The following CNTNAP2 variants were observed in gnomAD, a reference collection of about 807,000 sequenced individuals.
CNTNAP2 encodes the protein contactin-associated protein-like 2.
CNTNAP2 carries 98 observed loss-of-function variants against 155.2 expected under a neutral mutation model. That is an observed-to-expected ratio of 0.63 (90% CI 0.54 to 0.75). CNTNAP2 has a LOEUF of 0.75. Ranked by LOEUF, CNTNAP2 falls within the 30% of genes least tolerant of loss-of-function variation. The pLI is 0.00. For synonymous variants in CNTNAP2, 651 were observed against 631.2 expected (o/e 1.03, Z -0.47); for missense variants, 1,727 against 1,688.1 (o/e 1.02, Z -0.40).
At chr7:146,700,442 A>G (rs552148531) in intron 1 of CNTNAP2, among the ~76,000 whole-genome samples, 3 of 152,264 alleles carry the variant, frequency 2.0e-5, no homozygotes, top group East Asian at 1.9e-4. Context: ...TGTTTTTTAA[A>G]TTAAAAAAAT....
intron 11 of CNTNAP2, among the ~76,000 whole-genome samples, chr7:147,555,255 C>G (rs980413074): frequency 2.6e-5 from 4 of 152,182 alleles, no homozygotes; most frequent in South Asian, 2.1e-4. Flanking sequence ...GCCCCAGAGA[C>G]CATCCTACAC....
At chr7:146,512,918 T>G (rs1797489004) in intron 1 of CNTNAP2, among the ~76,000 whole-genome samples, 1 of 152,000 alleles carries the variant, frequency 6.6e-6, no homozygotes, top group Non-Finnish European at 1.5e-5. Context: ...TTTATTGTGG[T>G]GTATATGTCC....
intron 15 of CNTNAP2, among the ~76,000 whole-genome samples, chr7:148,109,388 G>GTTTTGTTTTA (rs1432300494): frequency 6.6e-6 from 1 of 151,060 alleles, no homozygotes; most frequent in African/African-American, 2.4e-5. Context: ...GTTTTGTTTT[G>GTTTTGTTTTA]TTTTGTTTTG....
At chr7:148,076,208 G>A (rs182457521) in intron 15 of CNTNAP2, among the ~76,000 whole-genome samples, 1 of 152,096 alleles carries the variant, frequency 6.6e-6, no homozygotes, top group African/African-American at 2.4e-5. Flanking sequence ...TAGTTCTCAG[G>A]AGGGTGACTT....
chr7:147,964,607 T>A (rs1015129560), intron 14 of CNTNAP2, among the ~76,000 whole-genome samples: 3 of 152,230 alleles, frequency 2.0e-5, no homozygotes, highest in African/African-American at 7.2e-5. Context: ...GCTAAATTGC[T>A]AAATTGAGTT....
At chr7:147,761,433 T>C (rs1797296722) in intron 13 of CNTNAP2, among the ~76,000 whole-genome samples, 1 of 152,190 alleles carries the variant, frequency 6.6e-6, no homozygotes, top group Admixed American at 6.6e-5. Context: ...AGTAAGGCTT[T>C]AGAGGTTTCC....
chr7:146,401,419 G>A (rs1795712104), intron 1 of CNTNAP2, among the ~76,000 whole-genome samples: 1 of 152,084 alleles, frequency 6.6e-6, no homozygotes, highest in Non-Finnish European at 1.5e-5. Flanking sequence ...AGCTAGGGCA[G>A]GTCAATGAAC....
At chr7:146,585,580 A>T (rs369542147) in intron 1 of CNTNAP2, among the ~76,000 whole-genome samples, 11 of 152,146 alleles carry the variant, frequency 7.2e-5, no homozygotes, top group African/African-American at 2.7e-4. Flanking sequence ...ACTTTGTTAC[A>T]TTATTCTCCT....
intron 1 of CNTNAP2, among the ~76,000 whole-genome samples, chr7:146,234,082 A>G (rs1332226830): frequency 3.4e-5 from 5 of 145,986 alleles, no homozygotes; most frequent in Non-Finnish European, 6.0e-5. Context: ...AGTCCCACCA[A>G]CAGTGTAAAA....
At chr7:147,877,830 T>C (rs1799448186) in intron 13 of CNTNAP2, among the ~76,000 whole-genome samples, 1 of 152,198 alleles carries the variant, frequency 6.6e-6, no homozygotes, top group Admixed American at 6.5e-5. Flanking sequence ...ATATTTAAGC[T>C]CTAGTTTATT....
At chr7:146,657,918 A>T (rs1275364696) in intron 1 of CNTNAP2, among the ~76,000 whole-genome samples, 1 of 152,194 alleles carries the variant, frequency 6.6e-6, no homozygotes, top group Non-Finnish European at 1.5e-5. Context: ...TAAGTTCATC[A>T]TTAAAAAAAC....
intron 13 of CNTNAP2, among the ~76,000 whole-genome samples, chr7:147,808,934 A>G (rs1014284827): frequency 3.9e-5 from 6 of 152,200 alleles, no homozygotes; most frequent in Admixed American, 6.5e-5. Context: ...TAAATTTTCT[A>G]AAGCACCAAG....
At position 148,329,117 on chromosome 7, in the gene CNTNAP2, C is replaced by A. The variant is rs146650747; in HGVS notation, c.3476-54532C>A. ...TCTGCAACGGACTCTGACCCCTGGA[C>A]CAGGACACCCAGCAGGCTCCCCAGG... On this transcript the variant is annotated intron_variant, in intron 21 of 23. Transcript: ENST00000361727. Among the ~76,000 whole-genome samples, 1,190 of 152,188 alleles carry A rather than the reference C, an allele frequency of 7.8e-3. 11 individuals carry two copies. Among genetic ancestry groups the A allele is most frequent in the African/African-American group, 0.027 (1,118 of 41,532 alleles).
At chr7:146,635,805 C>CT (rs1356668425) in intron 1 of CNTNAP2, among the ~76,000 whole-genome samples, 3 of 109,962 alleles carry the variant, frequency 2.7e-5, no homozygotes, top group East Asian at 4.2e-4. Flanking sequence ...GGACTCATCT[C>CT]TAAAAAAAAA....
chr7:146,177,581 T>C (rs747475265), intron 1 of CNTNAP2, among the ~76,000 whole-genome samples: 1 of 152,212 alleles, frequency 6.6e-6, no homozygotes, highest in Non-Finnish European at 1.5e-5. Flanking sequence ...TGCCTCAAAT[T>C]CTTAGTGTTT....
At chr7:147,868,911 T>C (rs975606782) in intron 13 of CNTNAP2, among the ~76,000 whole-genome samples, 2 of 152,236 alleles carry the variant, frequency 1.3e-5, no homozygotes, top group African/African-American at 4.8e-5. Flanking sequence ...GGAAATCCCC[T>C]GACCCCTTGC....
chr7:146,192,642 C>G (rs1272507950), intron 1 of CNTNAP2, among the ~76,000 whole-genome samples: 1 of 152,136 alleles, frequency 6.6e-6, no homozygotes, highest in Non-Finnish European at 1.5e-5. Flanking sequence ...GGATCCCTCC[C>G]ATGACGTGGG....
At chr7:146,197,748 A>G (rs1798797359) in intron 1 of CNTNAP2, among the ~76,000 whole-genome samples, 1 of 152,208 alleles carries the variant, frequency 6.6e-6, no homozygotes, top group African/African-American at 2.4e-5. Context: ...TAAATTACAT[A>G]TAAACCAGTT....
In CNTNAP2 at chr7:148,282,431, G is replaced by A. The variant is rs111731450; in HGVS notation, c.3475+15305G>A. 2.6e-3 allele frequency among the ~76,000 whole-genome samples: 389 copies of A among 152,230 alleles called. 4 individuals are homozygous for A. Among genetic ancestry groups the A allele is most frequent in the African/African-American group, 8.9e-3 (371 of 41,516 alleles). On this transcript the variant is annotated intron_variant, in intron 21 of 23. Transcript: ENST00000361727. ...AATCTCAGCTTCAGTTTTCTTAACC[G>A]TGAAATGAGAATGATAGTAGTGCCA...
Sources: allele counts gnomAD v4.1 joint callset (sites outside exome capture counted in the v4.1 genomes callset), GRCh38; gene constraint gnomAD v4.1.1; transcripts MANE v1.5; gene names NCBI Gene and HGNC (gene_info 2026-07-23, HGNC 2026-07-21).